The following CADM2 variants were observed in gnomAD, a reference collection of about 807,000 sequenced individuals.
CADM2 encodes the protein immunoglobulin superfamily member 4D.
A neutral mutation model predicts 49.8 loss-of-function variants in CADM2; 12 were observed. The ratio of observed to expected loss-of-function variants is 0.24; its 90% CI spans 0.15 to 0.39. CADM2 has a LOEUF of 0.39. Ranked by LOEUF, CADM2 falls within the 10% of genes least tolerant of loss-of-function variation. CADM2 has a pLI of 1.00. For missense variants in CADM2, 378 were observed against 492.3 expected, an observed-to-expected ratio of 0.77 and a Z score of 2.20; for synonymous variants, 214 against 175.4, an observed-to-expected ratio of 1.22 and a Z score of -1.74.
intron 6 of CADM2, among the ~76,000 whole-genome samples, chr3:85,923,089 C>G (rs917883627): frequency 3.3e-5 from 5 of 152,068 alleles, no homozygotes; most frequent in African/African-American, 1.2e-4. Flanking sequence ...TCCCAAAGTG[C>G]TGGGATTACA....
intron 1 of CADM2, among the ~76,000 whole-genome samples, chr3:85,610,139 C>A (rs1363510167): frequency 6.6e-6 from 1 of 151,848 alleles, no homozygotes; most frequent in Non-Finnish European, 1.5e-5. Flanking sequence ...CCATAAGGAT[C>A]TATCTATTTT....
intron 1 of CADM2, among the ~76,000 whole-genome samples, chr3:85,462,181 C>T (rs2038277830): frequency 6.6e-6 from 1 of 152,078 alleles, no homozygotes; most frequent in Admixed American, 6.6e-5. Flanking sequence ...AGGGTATGCC[C>T]TTGCCAATGA....
intron 1 of CADM2, among the ~76,000 whole-genome samples, chr3:85,629,113 A>T (rs1273470868): frequency 1.3e-5 from 2 of 151,914 alleles, no homozygotes; most frequent in Non-Finnish European, 2.9e-5. Context: ...CTCAGACAGC[A>T]TATTATAGAC....
At chr3:85,748,545 A>C (rs1214688410) in intron 2 of CADM2, among the ~76,000 whole-genome samples, 1 of 152,112 alleles carries the variant, frequency 6.6e-6, no homozygotes, top group African/African-American at 2.4e-5. Context: ...CCTAGATGCA[A>C]ATAGGATGGA....
chr3:85,116,199 T>G (rs1276615593), intron 1 of CADM2, among the ~76,000 whole-genome samples: 2 of 152,022 alleles, frequency 1.3e-5, no homozygotes, highest in Admixed American at 1.3e-4. Context: ...TGATGGCACA[T>G]GCCTGTAATC....
intron 1 of CADM2, among the ~76,000 whole-genome samples, chr3:85,664,667 A>T (rs1230203736): frequency 1.3e-5 from 2 of 151,944 alleles, no homozygotes; most frequent in Admixed American, 1.3e-4. Flanking sequence ...TTCTTAAGGC[A>T]GCCAGAGTGC....
At chr3:84,983,117 G>C (rs1575968870) in intron 1 of CADM2, among the ~76,000 whole-genome samples, 1 of 151,958 alleles carries the variant, frequency 6.6e-6, no homozygotes, top group African/African-American at 2.4e-5. Context: ...TTAAAATGGT[G>C]TATTTATATT....
intron 8 of CADM2, among the ~76,000 whole-genome samples, chr3:85,987,358 T>C (rs1245528445): frequency 6.6e-6 from 1 of 151,808 alleles, no homozygotes; most frequent in African/African-American, 2.4e-5. Flanking sequence ...CTTCATTCTA[T>C]TAGCTTTCAT....
rs192584378 is a variant in CADM2, at chr3:85,358,755, G to A, written c.62-367767G>A. 6.0e-3 allele frequency among the ~76,000 whole-genome samples: 916 copies of A among 152,206 alleles called. 3 individuals are homozygous for A. The highest frequency in any genetic ancestry group is 0.017 in the Middle Eastern group (5 of 294). ...CTTATTATGAAGACGTATTCACTGTGTACTGTTAATTGTAAATTAAGAGTA... is the reference window on the plus strand; with the variant it reads ...CTTATTATGAAGACGTATTCACTGTATACTGTTAATTGTAAATTAAGAGTA... On this transcript the variant is annotated intron_variant, in intron 1 of 9. Coordinates refer to ENST00000383699, the MANE Select transcript of CADM2 (RefSeq NM_001167675.2).
At chr3:85,676,579 C>T (rs958471685) in intron 1 of CADM2, among the ~76,000 whole-genome samples, 2 of 152,128 alleles carry the variant, frequency 1.3e-5, no homozygotes, top group Non-Finnish European at 2.9e-5. Flanking sequence ...AATGACTTCT[C>T]AATTACATAG....
At chr3:85,510,555 A>T (rs1302761276) in intron 1 of CADM2, among the ~76,000 whole-genome samples, 4 of 151,972 alleles carry the variant, frequency 2.6e-5, no homozygotes, top group Non-Finnish European at 4.4e-5. Context: ...TTCAGTTTTA[A>T]TTTTTTTAAT....
At chr3:85,361,526 A>C (rs1040888882) in intron 1 of CADM2, among the ~76,000 whole-genome samples, 1 of 152,186 alleles carries the variant, frequency 6.6e-6, no homozygotes, top group African/African-American at 2.4e-5. Context: ...TTTAAGGATA[A>C]CACTGGAAGC....
intron 2 of CADM2, among the ~76,000 whole-genome samples, chr3:85,773,188 G>A (rs573531186): frequency 3.9e-5 from 6 of 152,108 alleles, no homozygotes; most frequent in Non-Finnish European, 8.8e-5. Context: ...CTGTCAAAAT[G>A]TCATAGTCAG....
At chr3:85,091,582 C>T (rs895388066) in intron 1 of CADM2, among the ~76,000 whole-genome samples, 2 of 152,016 alleles carry the variant, frequency 1.3e-5, no homozygotes, top group Non-Finnish European at 2.9e-5. Flanking sequence ...AAATTGCTTT[C>T]ATATGTGTAT....
intron 3 of CADM2, among the ~76,000 whole-genome samples, chr3:85,880,696 C>A (rs947014350): frequency 6.6e-6 from 1 of 152,134 alleles, no homozygotes; most frequent in African/African-American, 2.4e-5. Context: ...ATAAGCTATT[C>A]TCTTGGGATC....
intron 1 of CADM2, among the ~76,000 whole-genome samples, chr3:85,286,868 A>G (rs943840155): frequency 3.9e-5 from 6 of 152,102 alleles, no homozygotes; most frequent in African/African-American, 1.2e-4. Flanking sequence ...GAGAGCAAAT[A>G]CAAGTTTTCT....
rs2036247077 is a variant in CADM2, at chr3:85,423,058, C to T, written c.62-303464C>T. Among the ~76,000 whole-genome samples, 6 of 152,130 alleles carry T rather than the reference C, an allele frequency of 3.9e-5. No individual in the cohort carries two copies. The South Asian group carries it at 1.2e-3, about 32-fold the overall frequency. On this transcript the variant is annotated intron_variant, in intron 1 of 9. Coordinates refer to ENST00000383699, the MANE Select transcript of CADM2 (RefSeq NM_001167675.2). The stretch of plus-strand genomic sequence containing the variant: ...GGATTTTATTGAGAGATGGAGGTGG[C>T]TTTCAGCAGGATGGGGAATTGGAGA...
At chr3:85,983,805 A>G (rs931462367) in intron 8 of CADM2, among the ~76,000 whole-genome samples, 2 of 151,360 alleles carry the variant, frequency 1.3e-5, no homozygotes, top group East Asian at 1.9e-4. Context: ...CTATCTATCT[A>G]TCTATCTATC....
chr3:85,371,066 G>A (rs996484213), intron 1 of CADM2, among the ~76,000 whole-genome samples: 1 of 151,878 alleles, frequency 6.6e-6, no homozygotes, highest in African/African-American at 2.4e-5. Flanking sequence ...GTAGAAAAAA[G>A]TCAAAAAAAT....
Sources: gnomAD v4.1 joint callset for allele counts (sites outside exome capture counted in the v4.1 genomes callset) on GRCh38, gnomAD v4.1.1 for gene constraint, MANE v1.5 for transcripts, NCBI Gene and HGNC (gene_info 2026-07-23, HGNC 2026-07-21) for gene names.